SLC48A1: variants seen among roughly 807,000 people sequenced by gnomAD.
SLC48A1 encodes the protein solute carrier family 48 member 1.
Under a neutral mutation model 14.8 loss-of-function variants are expected in SLC48A1, and 6 were observed. The ratio of observed to expected loss-of-function variants is 0.41; its 90% CI spans 0.22 to 0.80. SLC48A1 has a LOEUF of 0.80. Among genes scored for constraint, SLC48A1 ranks in the 30% least tolerant of loss-of-function variants. The probability of loss-of-function intolerance (pLI) is 0.34; values close to 1 mark genes in which losing one functional copy is unlikely to be tolerated. For missense variants in SLC48A1, 165 were observed against 204.8 expected (o/e 0.81, Z 1.19); for synonymous variants, 89 against 90.0 (o/e 0.99, Z 0.06).
chr12:47,763,276 C>T (rs908278374), intron 2 of SLC48A1, among the ~76,000 whole-genome samples: 1 of 152,076 alleles, frequency 6.6e-6, no homozygotes, highest in Non-Finnish European at 1.5e-5. Flanking sequence ...AAGGCTCAGC[C>T]GTGACATTTG....
Position 47,780,568 on chromosome 12 carries a change from CTTTT to C in SLC48A1, c.*300_*303del, listed in dbSNP as rs60379857. The C allele has an allele frequency of 1.9e-4, 81 of 424,666 alleles. No individual in the cohort carries two copies. Among genetic ancestry groups the C allele is most frequent in the Admixed American group, 2.4e-4 (8 of 33,110 alleles). The allele number at this position is 424,666 out of a possible 1,614,324, so 26.3% of individuals were successfully genotyped here. On this transcript the variant is annotated 3_prime_UTR_variant, in exon 3 of 3. Transcript: ENST00000442218. ...GTTTTCTTTTCTTTCTTTTTTTTTT[CTTTT>C]TTTTTTTTTTTTGAGATGGAGTCTT...
Position 47,780,456 on chromosome 12 carries a change from A to G in SLC48A1, c.*175A>G. On this transcript the variant is annotated 3_prime_UTR_variant, in exon 3 of 3. Coordinates refer to ENST00000442218, the MANE Select transcript of SLC48A1 (RefSeq NM_017842.3). ...GTCCTGCCCGTCCCCTTTCGAGGAA[A>G]CCTGAGTGTGGTAGAGAGGGGATCC... is the stretch of plus-strand genomic sequence containing the variant. 9.9e-7 allele frequency: 1 copy of G among 1,009,602 alleles called. No homozygotes were observed. The highest frequency in any genetic ancestry group is 1.3e-5 in the South Asian group (1 of 78,334). 62.5% of individuals were successfully genotyped at this position (1,009,602 alleles called of 1,614,324 possible).
chr12:47,754,942 G>A (rs777558498), upstream of SLC48A1, among the ~76,000 whole-genome samples: 56 of 152,214 alleles, frequency 3.7e-4, no homozygotes, highest in Non-Finnish European at 6.8e-4. Flanking sequence ...GTCACTGAAT[G>A]TCAGAGCTGG....
At chr12:47,768,436 C>T, upstream of SLC48A1, 1 of 152,394 alleles carries the variant, frequency 6.6e-6, no homozygotes. Flanking sequence ...AGAGAGAGGA[C>T]AGGGCAAATC....
chr12:47,754,366 T>C (rs1346160039), upstream of SLC48A1, among the ~76,000 whole-genome samples: 1 of 152,240 alleles, frequency 6.6e-6, no homozygotes, highest in Admixed American at 6.5e-5. Context: ...TATTCTACCC[T>C]CTCTGTGCCC....
chr12:47,773,293 C>T lies in SLC48A1; in HGVS notation c.-12C>T. The T allele has an allele frequency of 1.4e-6, 2 of 1,413,906 alleles. No individual in the cohort carries two copies. The highest frequency in any genetic ancestry group is 1.9e-6 in the Non-Finnish European group (2 of 1,079,420). The allele number at this position is 1,413,906 out of a possible 1,614,324, so 87.6% of individuals were successfully genotyped here. On this transcript the variant is annotated 5_prime_UTR_variant, in exon 1 of 3. Coordinates refer to ENST00000442218, the MANE Select transcript of SLC48A1 (RefSeq NM_017842.3). ...CCGCGCTCGCCCTCGGCCCGCCCGG[C>T]GCCGCAGCCCCATGGCCCCGTCCAG...
rs771861347 is a variant in SLC48A1 at position 47,780,862 on chromosome 12, C to T, written c.*581C>T. The T allele has an allele frequency of 2.5e-5, 13 of 528,468 alleles. No individual in the cohort carries two copies. Among genetic ancestry groups the T allele is most frequent in the African/African-American group, 1.9e-4 (10 of 51,888 alleles). 32.7% of individuals were successfully genotyped at this position (528,468 alleles called of 1,614,324 possible). ...GATTATAGGTGTGAGCCACCGTGCC[C>T]GGCCTGGATCTGTTTTCTTAGCACG... On this transcript the variant is annotated 3_prime_UTR_variant, in exon 3 of 3. Coordinates refer to ENST00000442218, the MANE Select transcript of SLC48A1 (RefSeq NM_017842.3).
chr12:47,771,073 C>T, upstream of SLC48A1: 1 of 359,686 alleles, frequency 2.8e-6, no homozygotes, highest in South Asian at 2.0e-5. Flanking sequence ...CTTGACATCA[C>T]TTCTCATTAA....
upstream of SLC48A1, among the ~76,000 whole-genome samples, chr12:47,767,513 C>T (rs775485252): frequency 2.6e-5 from 4 of 152,112 alleles, no homozygotes; most frequent in African/African-American, 4.8e-5. Context: ...TTTTCTGGGA[C>T]GTGGAACTTT....
At position 47,780,695 on chromosome 12, in the gene SLC48A1, T is replaced by C. The variant is rs1942852245; in HGVS notation, c.*414T>C. 3 of 399,794 alleles carry C rather than the reference T, an allele frequency of 7.5e-6. No individual in the cohort carries two copies. Among genetic ancestry groups the C allele is most frequent in the Non-Finnish European group, 1.5e-5 (3 of 203,358 alleles). 24.8% of individuals were successfully genotyped at this position (399,794 alleles called of 1,614,324 possible). On this transcript the variant is annotated 3_prime_UTR_variant, in exon 3 of 3. Coordinates refer to ENST00000442218, the MANE Select transcript of SLC48A1 (RefSeq NM_017842.3). ...AATTCTCCTGCCTTGGCCTCTCAAG[T>C]AGCTGGGATTACAGGCATCTGCCAC...
At chr12:47,764,020 C>A (rs532467840) in intron 2 of SLC48A1, among the ~76,000 whole-genome samples, 2 of 152,296 alleles carry the variant, frequency 1.3e-5, no homozygotes, top group South Asian at 4.1e-4. Flanking sequence ...CGAAGACGGG[C>A]AGGGCTGGAG....
chr12:47,773,163 G>T, upstream of SLC48A1: 2 of 982,228 alleles, frequency 2.0e-6, no homozygotes, highest in South Asian at 9.1e-5. Context: ...GCGCTGTGCG[G>T]GCGGCGCTGG....
intron 2 of SLC48A1, among the ~76,000 whole-genome samples, chr12:47,760,699 T>C (rs1351486048): frequency 6.6e-6 from 1 of 151,912 alleles, no homozygotes; most frequent in Non-Finnish European, 1.5e-5. Flanking sequence ...TATGTACTTC[T>C]GTTATCCTCA....
At chr12:47,766,777 G>A (rs2136851664), upstream of SLC48A1, among the ~76,000 whole-genome samples, 1 of 152,316 alleles carries the variant, frequency 6.6e-6, no homozygotes, top group African/African-American at 2.4e-5. Flanking sequence ...CCTCTAGGCT[G>A]TCAGTGGGCA....
chr12:47,781,271 G>A lies in SLC48A1; in HGVS notation c.*990G>A, dbSNP rs1942869938. ...CCCCTGTAAGGGCTTTGGGGAAGGG[G>A]GCAACATAGTAGAGGCTGGAAAGAG... On this transcript the variant is annotated 3_prime_UTR_variant, in exon 3 of 3. Transcript: ENST00000442218. The A allele has an allele frequency of 5.0e-6, 1 of 199,548 alleles. No homozygotes were observed. Among genetic ancestry groups the A allele is most frequent in the South Asian group, 6.9e-5 (1 of 14,576 alleles). The allele number at this position is 199,548 out of a possible 1,614,324, so 12.4% of individuals were successfully genotyped here. A position where few individuals can be genotyped will look rare whatever the true frequency, so the allele number is the denominator to read the frequency against.
intron 1 of SLC48A1, chr12:47,759,146 G>C (rs998033171): frequency 3.0e-4 from 291 of 971,364 alleles, no homozygotes; most frequent in Non-Finnish European, 3.5e-4. Context: ...TCAGGGATCC[G>C]GCGGTGAGTG....
chr12:47,765,076 CAAAAAAAAAAAAAAAAAAAAAAAAAAA>C (rs750174911), intron 2 of SLC48A1, among the ~76,000 whole-genome samples: 8 of 38,196 alleles, frequency 2.1e-4, no homozygotes, highest in South Asian at 8.7e-4. Flanking sequence ...GACTCTGTCT[CAAAAAAAAAAAAAAAAAAAAAAAAAAA>C]AAAAAAAAAA....
chr12:47,778,654 G>C (rs2136869497), intron 1 of SLC48A1: 1 of 173,554 alleles, frequency 5.8e-6, no homozygotes, highest in Non-Finnish European at 1.2e-5. Flanking sequence ...TTATGTATGT[G>C]AGTTTTAGCT....
intron 1 of SLC48A1, among the ~76,000 whole-genome samples, chr12:47,776,508 C>T (rs1409199413): frequency 2.0e-5 from 3 of 152,166 alleles, no homozygotes; most frequent in African/African-American, 7.2e-5. Context: ...CAGTGACCCC[C>T]TTGGGTAGGG....
Sources: gnomAD v4.1 joint callset for allele counts (sites outside exome capture counted in the v4.1 genomes callset) on GRCh38, gnomAD v4.1.1 for gene constraint, MANE v1.5 for transcripts, NCBI Gene and HGNC (gene_info 2026-07-23, HGNC 2026-07-21) for gene names.